Variants in PHF6 observed in about 807,000 individuals in gnomAD.
PHF6 encodes the protein PHD finger protein 6, also known as PHD-like zinc finger protein.
In PHF6, 7 loss-of-function variants were observed where a neutral mutation model predicts 34.0. That is an observed-to-expected ratio of 0.21 (90% CI 0.12 to 0.39). The LOEUF (loss-of-function observed/expected upper bound fraction) is 0.39. Ranked by LOEUF, PHF6 falls within the 10% of genes least tolerant of loss-of-function variation. The pLI is 1.00. For synonymous variants in PHF6, 89 were observed against 88.4 expected, an observed-to-expected ratio of 1.01 and a Z score of -0.04; for missense variants, 128 against 262.8, an observed-to-expected ratio of 0.49 and a Z score of 3.55.
At chrX:134,424,627 C>G (rs1285634716) in intron 9 of PHF6, among the ~76,000 whole-genome samples, 1 of 111,793 alleles carries the variant, frequency 8.9e-6, no homozygotes, top group Middle Eastern at 4.6e-3. Context: ...TGTGTAAAAA[C>G]AAGAAGTTGG....
At position 134,390,977 on chromosome X, in the gene PHF6, CT is replaced by C. The variant is rs1216287733; in HGVS notation, c.241-2510del. ...CTTTTTCTTTTTTTCTTTTTTTTTT[CT>C]TTTTTTTTTTTTTGTGATGGAGTTT... On this transcript the variant is annotated intron_variant, in intron 3 of 10. Coordinates refer to ENST00000370803, the MANE Select transcript of PHF6 (RefSeq NM_001015877.2). 3.1e-3 allele frequency among the ~76,000 whole-genome samples: 224 copies of C among 71,443 alleles called. 1 individual carries two copies. The highest frequency in any genetic ancestry group is 9.1e-3 in the African/African-American group (178 of 19,610). 62.0% of individuals were successfully genotyped at this position (71,443 alleles called of 115,157 possible).
At chrX:134,377,548 T>C (rs922913402) in intron 1 of PHF6, 24 bp from the exon 2 acceptor site, 46 of 1,057,322 alleles carry the variant, frequency 4.4e-5, no homozygotes, top group Non-Finnish European at 4.5e-5. Flanking sequence ...AAATTAACAT[T>C]GTCGCCCTTC....
At chrX:134,412,907 T>G (rs768896347) in intron 5 of PHF6, among the ~76,000 whole-genome samples, 1 of 111,767 alleles carries the variant, frequency 8.9e-6, no homozygotes, top group Non-Finnish European at 1.9e-5. Context: ...TTGAATTTGT[T>G]CATTCAGTTT....
intron 3 of PHF6, 54 bp from the exon 4 acceptor site, chrX:134,393,447 A>G: frequency 8.5e-7 from 1 of 1,176,742 alleles, no homozygotes; most frequent in Non-Finnish European, 1.2e-6. Context: ...CTAATCTGAT[A>G]TACAGCCTTA....
chrX:134,420,277 C>T (rs1308312127), intron 9 of PHF6: 1 of 102,066 alleles, frequency 9.8e-6, no homozygotes, highest in Non-Finnish European at 2.0e-5. Flanking sequence ...CACTGCACTC[C>T]AGCCTGGGCG....
chrX:134,386,271 C>G (rs970319690), intron 3 of PHF6, among the ~76,000 whole-genome samples: 2 of 111,754 alleles, frequency 1.8e-5, no homozygotes, highest in African/African-American at 6.5e-5. Context: ...TTTCTGCAAT[C>G]ACAGAAGCTG....
chrX:134,387,301 C>T (rs1300131682), intron 3 of PHF6, among the ~76,000 whole-genome samples: 2 of 111,188 alleles, frequency 1.8e-5, no homozygotes, highest in Non-Finnish European at 3.8e-5. Context: ...CCATTTAATA[C>T]TTTTTGGTAA....
Position 134,417,231 on chromosome X carries a change from G to A in PHF6, c.897G>A (p.Lys299=). The A allele has an allele frequency of 1.7e-6, 2 of 1,208,083 alleles. No homozygotes were observed. The highest frequency in any genetic ancestry group is 3.0e-5 in the East Asian group (1 of 33,828). The change falls in exon 9 of 11, where the codon AAG becomes AAA. Residue 299 remains lysine (K), a synonymous_variant. Coordinates refer to ENST00000370803, the MANE Select transcript of PHF6 (RefSeq NM_001015877.2). Reference sequence around the variant, plus strand: ...GATGTGAAATAAAAGCCTGTGTTAAGACTTACCATTACCACTGTGGAGTAC... The same window carrying A: ...GATGTGAAATAAAAGCCTGTGTTAAAACTTACCATTACCACTGTGGAGTAC... ...TIGCEIKACV[K]TYHYHCGVQD... is the part of the protein sequence containing the mutation.
chrX:134,414,229 G>A (rs1320858991), intron 7 of PHF6, among the ~76,000 whole-genome samples: 1 of 110,712 alleles, frequency 9.0e-6, no homozygotes, highest in Non-Finnish European at 1.9e-5. Context: ...ACTGTAGTTA[G>A]GATAATCTGT....
chrX:134,396,050 A>G (rs935584877), intron 5 of PHF6, among the ~76,000 whole-genome samples: 3 of 111,582 alleles, frequency 2.7e-5, no homozygotes, highest in African/African-American at 9.8e-5. Context: ...GTGGCCCTAT[A>G]TGGTTTTTTT....
chrX:134,377,687 A>G lies in PHF6; in HGVS notation c.70A>G (p.Arg24Gly). 8.3e-7 allele frequency: 1 copy of G among 1,210,438 alleles called. No homozygotes were observed. The highest frequency in any genetic ancestry group is 1.7e-5 in the African/African-American group (1 of 57,777). ...QRKCGFCKSN[R>G]DKECGQLLIS... is the part of the protein sequence containing the mutation. ...CAAATGTGGCTTTTGTAAGTCAAAT[A>G]GAGACAAGGAATGTGGACAGTTACT... Residue 24 changes from arginine (R) to glycine (G), a missense_variant, in exon 2 of 11, where the codon AGA becomes GGA. Physicochemically the swap from Arg to Gly is moderately radical, Grantham distance 125. Transcript: ENST00000370803.
Position 134,426,550 on chromosome X carries a change from A to G in PHF6, c.*890A>G, listed in dbSNP as rs1364009643. 1 of 161,416 alleles carries G rather than the reference A, an allele frequency of 6.2e-6. No homozygotes were observed. Among genetic ancestry groups the G allele is most frequent in the Non-Finnish European group, 1.2e-5 (1 of 83,056 alleles). The allele number at this position is 161,416 out of a possible 1,213,427, so 13.3% of individuals were successfully genotyped here. A position where few individuals can be genotyped will look rare whatever the true frequency, so the allele number is the denominator to read the frequency against. On this transcript the variant is annotated 3_prime_UTR_variant, in exon 11 of 11. Transcript: ENST00000370803. ...GGAGGTCTCATGTGCTGTAGGAGTA[A>G]AAAAGTCTTTGCATAAAACAGTATT...
intron 2 of PHF6, 77 bp downstream of exon 2, chrX:134,377,832 T>TAAA: frequency 5.9e-6 from 5 of 842,026 alleles, no homozygotes; most frequent in African/African-American, 2.2e-5. Flanking sequence ...TCCTGAATAC[T>TAAA]AAAAAAAAAA....
intron 7 of PHF6, 116 bp from the exon 8 acceptor site, chrX:134,414,900 T>C (rs1471016650): frequency 1.7e-6 from 1 of 583,348 alleles, no homozygotes; most frequent in Non-Finnish European, 2.7e-6. Context: ...AGATACTTGA[T>C]TATTAAGGAA....
chrX:134,385,807 C>T (rs1053171482), intron 3 of PHF6, among the ~76,000 whole-genome samples: 4 of 111,422 alleles, frequency 3.6e-5, no homozygotes, highest in African/African-American at 6.5e-5. Context: ...CTTCAGCCTT[C>T]ACTCCCTCAG....
chrX:134,380,418 G>A (rs987730872), intron 3 of PHF6, among the ~76,000 whole-genome samples: 1 of 111,658 alleles, frequency 9.0e-6, no homozygotes, highest in Admixed American at 9.5e-5. Context: ...ACAGGTGTGA[G>A]CCACCGCGCC....
chrX:134,415,148 A>G lies in PHF6; in HGVS notation c.834+28A>G, dbSNP rs763321009. The stretch of plus-strand genomic sequence containing the variant: ...CTGTAGTTTTTATATTTGTTATGCA[A>G]CATTACACTTGATTTGCTGCTTTAA... On this transcript the variant is annotated intron_variant, in intron 8 of 10. Coordinates refer to ENST00000370803, the MANE Select transcript of PHF6 (RefSeq NM_001015877.2). 1.1e-4 allele frequency: 130 copies of G among 1,206,033 alleles called. No individual in the cohort carries two copies. Among genetic ancestry groups the G allele is most frequent in the Non-Finnish European group, 1.3e-4 (118 of 892,614 alleles).
At chrX:134,399,714 A>G (rs1163048058) in intron 5 of PHF6, among the ~76,000 whole-genome samples, 2 of 108,054 alleles carry the variant, frequency 1.9e-5, no homozygotes, top group Non-Finnish European at 3.8e-5. Context: ...CACACAGCCT[A>G]TCCACTATTA....
At chrX:134,380,175 C>T (rs1421721288) in intron 3 of PHF6, among the ~76,000 whole-genome samples, 2 of 97,931 alleles carry the variant, frequency 2.0e-5, no homozygotes, top group Admixed American at 2.3e-4. Context: ...TTGACAGAGT[C>T]TCGCTCTGTC....
Sources: gnomAD v4.1 joint callset for allele counts (sites outside exome capture counted in the v4.1 genomes callset) on GRCh38, gnomAD v4.1.1 for gene constraint, MANE v1.5 for transcripts, NCBI Gene and HGNC (gene_info 2026-07-23, HGNC 2026-07-21) for gene names.